The following CCNT1 variants were observed in gnomAD, a reference collection of about 807,000 sequenced individuals.
CCNT1 encodes cyclin T1, also known as cyclin-T1.
CCNT1 carries 18 observed loss-of-function variants against 67.3 expected under a neutral mutation model. The observed-to-expected ratio is 0.27, with a 90% CI of 0.18 to 0.40. CCNT1 has a LOEUF of 0.40. Among genes scored for constraint, CCNT1 ranks in the 10% least tolerant of loss-of-function variants. CCNT1 has a pLI of 1.00. For missense variants in CCNT1, 744 were observed against 884.9 expected (o/e 0.84, Z 2.02); for synonymous variants, 333 against 310.3 (o/e 1.07, Z -0.77).
chr12:48,689,434 A>T lies in CCNT1; in HGVS notation c.*3599T>A, dbSNP rs550541787. 6.6e-6 allele frequency: 1 copy of T among 152,204 alleles called. No individual in the cohort carries two copies. Among genetic ancestry groups the T allele is most frequent in the Non-Finnish European group, 1.5e-5 (1 of 68,042 alleles). 9.4% of individuals were successfully genotyped at this position (152,204 alleles called of 1,614,324 possible). ...CATGAAAATCTCCTAAACCATCAGGAGCAAACACTCAGTTAAAAGCTGGGT... is the reference window on the plus strand; with the variant it reads ...CATGAAAATCTCCTAAACCATCAGGTGCAAACACTCAGTTAAAAGCTGGGT... On this transcript the variant is annotated 3_prime_UTR_variant, in exon 9 of 9. Transcript: ENST00000261900.
intron 3 of CCNT1, among the ~76,000 whole-genome samples, chr12:48,701,372 C>T (rs757796272): frequency 3.3e-5 from 5 of 151,298 alleles, no homozygotes; most frequent in Non-Finnish European, 7.4e-5. Context: ...ATTCCAGGCG[C>T]GCAACACCAC....
intron 1 of CCNT1, among the ~76,000 whole-genome samples, chr12:48,714,868 G>A (rs560827681): frequency 5.3e-5 from 8 of 152,212 alleles, no homozygotes; most frequent in East Asian, 1.9e-4. Flanking sequence ...ACTGGAGTGC[G>A]GTGGCACCAT....
rs199971712 is a variant in CCNT1, at chr12:48,693,367, T to C, written c.1847A>G (p.His616Arg). Residue 616 changes from histidine to arginine, a missense_variant, in exon 9 of 9, where the codon CAT becomes CGT. His to Arg is a conservative substitution (Grantham distance 29). Around this residue, in one of 3 missense-constraint regions of CCNT1, gnomAD observed 564 missense variants for 574.2 expected, o/e 0.98. Transcript: ENST00000261900. ...GGAAAGGCCACTTGTGTCTGAGCTA[T>C]GCCCAGGCATCTGACCCATTGTAGG... ...SLPTMGQMPG[H>R]SSDTSGLSFS... 1.9e-4 allele frequency: 299 copies of C among 1,614,228 alleles called. No homozygotes were observed. The Middle Eastern group carries it at 2.3e-3, about 12-fold the overall frequency.
In CCNT1 at chr12:48,690,714, CA is replaced by C. The variant is rs1226843380; in HGVS notation, c.*2318del. The C allele has an allele frequency of 2.6e-5, 4 of 152,270 alleles. No homozygotes were observed. The East Asian group carries it at 7.7e-4, about 29-fold the overall frequency. 9.4% of individuals were successfully genotyped at this position (152,270 alleles called of 1,614,324 possible). A position where few individuals can be genotyped will look rare whatever the true frequency, so the allele number is the denominator to read the frequency against. On this transcript the variant is annotated 3_prime_UTR_variant, in exon 9 of 9. Coordinates refer to ENST00000261900, the MANE Select transcript of CCNT1 (RefSeq NM_001240.4). The stretch of plus-strand genomic sequence containing the variant: ...GCACTTTTTTCTAGTTCACTCCTGG[CA>C]AAGTTCTAAGGAACTTTACTACAGT...
intron 6 of CCNT1, among the ~76,000 whole-genome samples, chr12:48,696,855 G>A (rs1940175892): frequency 6.6e-6 from 1 of 152,118 alleles, no homozygotes. Context: ...TTTTTAGACA[G>A]AGTCTCTCTC....
chr12:48,698,767 G>C (rs1334404301), intron 5 of CCNT1, among the ~76,000 whole-genome samples: 2 of 152,204 alleles, frequency 1.3e-5, no homozygotes, highest in Non-Finnish European at 2.9e-5. Context: ...AGACCAGCCT[G>C]ACCAACATGG....
chr12:48,692,947 ATAAG>A lies in CCNT1; in HGVS notation c.*82_*85del. On this transcript the variant is annotated 3_prime_UTR_variant, in exon 9 of 9. Coordinates refer to ENST00000261900, the MANE Select transcript of CCNT1 (RefSeq NM_001240.4). ...CCCTAGTCCAAGGATGACATATTTC[ATAAG>A]TAATTTTCTTAGTCCAAAAAAAAAA... 1 of 838,894 alleles carries A rather than the reference ATAAG, an allele frequency of 1.2e-6. No individual in the cohort carries two copies. Among genetic ancestry groups the A allele is most frequent in the Non-Finnish European group, 1.8e-6 (1 of 548,388 alleles). 52.0% of individuals were successfully genotyped at this position (838,894 alleles called of 1,614,324 possible).
At chr12:48,701,846 T>A (rs1238206484) in intron 3 of CCNT1, among the ~76,000 whole-genome samples, 1 of 152,088 alleles carries the variant, frequency 6.6e-6, no homozygotes, top group Non-Finnish European at 1.5e-5. Flanking sequence ...CCTCAGATGA[T>A]CCGCCCACCT....
chr12:48,715,465 ATT>A (rs988988094), intron 1 of CCNT1, among the ~76,000 whole-genome samples: 1 of 149,726 alleles, frequency 6.7e-6, no homozygotes, highest in Non-Finnish European at 1.5e-5. Flanking sequence ...TTTTTTTTTA[ATT>A]TTTTTTTTCT....
In CCNT1 at chr12:48,694,049, G is replaced by A; in HGVS notation, c.1165C>T (p.Leu389=). 1.6e-5 allele frequency: 26 copies of A among 1,614,202 alleles called. No individual in the cohort carries two copies. The highest frequency in any genetic ancestry group is 2.2e-5 in the Non-Finnish European group (26 of 1,180,036). ...SKSVPSAKVS[L]KEYRAKHAEE... Reference sequence around the variant, plus strand: ...GCATGCTTCGCGCGGTATTCTTTCAGTGACACTTTAGCTGATGGCACACTC... The same window carrying A: ...GCATGCTTCGCGCGGTATTCTTTCAATGACACTTTAGCTGATGGCACACTC... The change falls in exon 9 of 9, where the codon CTG becomes TTG. Residue 389 remains leucine (L), a synonymous_variant. Coordinates refer to ENST00000261900, the MANE Select transcript of CCNT1 (RefSeq NM_001240.4).
chr12:48,716,064 G>A (rs1701358083), intron 1 of CCNT1, among the ~76,000 whole-genome samples: 1 of 152,208 alleles, frequency 6.6e-6, no homozygotes, highest in South Asian at 2.1e-4. Flanking sequence ...CCAAGGCTGA[G>A]GCATTAATTC....
intron 3 of CCNT1, among the ~76,000 whole-genome samples, chr12:48,702,523 G>A (rs751568611): frequency 2.6e-5 from 4 of 152,082 alleles, no homozygotes; most frequent in Admixed American, 6.6e-5. Flanking sequence ...GGTGGCTCAC[G>A]CCAGTAATCC....
At chr12:48,709,908 T>TTTTTTTA in intron 2 of CCNT1, among the ~76,000 whole-genome samples, 1 of 151,904 alleles carries the variant, frequency 6.6e-6, no homozygotes, top group Non-Finnish European at 1.5e-5. Flanking sequence ...TTTTTTTTTT[T>TTTTTTTA]GAGATGGAGT....
intron 1 of CCNT1, among the ~76,000 whole-genome samples, chr12:48,716,072 T>C (rs1940528305): frequency 6.6e-6 from 1 of 152,196 alleles, no homozygotes; most frequent in Non-Finnish European, 1.5e-5. Flanking sequence ...GAGGCATTAA[T>C]TCTAGTCCAC....
At chr12:48,704,273 A>C (rs1157369411) in intron 3 of CCNT1, among the ~76,000 whole-genome samples, 2 of 152,212 alleles carry the variant, frequency 1.3e-5, no homozygotes, top group African/African-American at 4.8e-5. Context: ...GGAGTTGAGC[A>C]GCAGGTACGA....
At chr12:48,711,735 T>C (rs1026249963) in intron 2 of CCNT1, among the ~76,000 whole-genome samples, 2 of 152,172 alleles carry the variant, frequency 1.3e-5, no homozygotes, top group South Asian at 2.1e-4. Context: ...AGGGCATGAC[T>C]AGAGGTACAG....
chr12:48,714,876 C>T (rs1940510471), intron 1 of CCNT1, among the ~76,000 whole-genome samples: 1 of 152,180 alleles, frequency 6.6e-6, no homozygotes, highest in Admixed American at 6.5e-5. Context: ...GCGGTGGCAC[C>T]ATCTTGGCCC....
Position 48,692,920 on chromosome 12 carries a change from T to C in CCNT1, c.*113A>G. The C allele has an allele frequency of 1.4e-6, 1 of 704,474 alleles. No homozygotes were observed. The highest frequency in any genetic ancestry group is 2.3e-6 in the Non-Finnish European group (1 of 430,970). 43.6% of individuals were successfully genotyped at this position (704,474 alleles called of 1,614,324 possible). On this transcript the variant is annotated 3_prime_UTR_variant, in exon 9 of 9. Transcript: ENST00000261900. Reference sequence around the variant, plus strand: ...CTAACTATGTCTCAATATCAATTTATTCCCTAGTCCAAGGATGACATATTT... The same window carrying C: ...CTAACTATGTCTCAATATCAATTTACTCCCTAGTCCAAGGATGACATATTT...
chr12:48,695,862 G>T, intron 7 of CCNT1, 33 bp from the exon 8 acceptor site: 1 of 1,546,648 alleles, frequency 6.5e-7, no homozygotes, highest in Non-Finnish European at 8.9e-7. Context: ...AAGAAAGACT[G>T]AGAGAAACAG....
Sources: gnomAD v4.1 joint callset for allele counts (sites outside exome capture counted in the v4.1 genomes callset) on GRCh38, gnomAD v4.1.1 for gene constraint, gnomAD v4.1.1 regional missense constraint, MANE v1.5 for transcripts, NCBI Gene and HGNC (gene_info 2026-07-23, HGNC 2026-07-21) for gene names.